Variants in UIMC1 observed in about 807,000 individuals in gnomAD.
The protein encoded by UIMC1 is BRCA1-A complex subunit RAP80.
UIMC1 carries 42 observed loss-of-function variants against 84.9 expected under a neutral mutation model. The observed-to-expected ratio is 0.49, with a 90% CI of 0.39 to 0.64. The LOEUF (loss-of-function observed/expected upper bound fraction) is 0.64, where lower values mean the gene tolerates loss of function less well. Ranked by LOEUF, UIMC1 falls within the 30% of genes least tolerant of loss-of-function variation. UIMC1 has a pLI of 0.00. For synonymous variants in UIMC1, 281 were observed against 293.0 expected (o/e 0.96, Z 0.42); for missense variants, 825 against 847.6 (o/e 0.97, Z 0.33).
At chr5:176,952,499 G>C (rs922364041) in intron 8 of UIMC1, among the ~76,000 whole-genome samples, 2 of 152,118 alleles carry the variant, frequency 1.3e-5, no homozygotes, top group Admixed American at 6.6e-5. Context: ...TTCTAAGTAA[G>C]GTTTTATTGG....
intron 4 of UIMC1, 140 bp downstream of exon 4, chr5:176,970,602 T>C (rs764276575): frequency 2.2e-6 from 3 of 1,378,902 alleles, no homozygotes; most frequent in South Asian, 2.3e-5. Flanking sequence ...ACACAGACTT[T>C]AAAAAATTAC....
chr5:176,949,002 T>A (rs9791006), intron 9 of UIMC1, among the ~76,000 whole-genome samples: 1,705 of 152,050 alleles, frequency 0.011, 55 homozygotes, highest in East Asian at 0.096. Flanking sequence ...AACTTTTTTT[T>A]AAAATATTTT....
At chr5:176,966,308 C>G (rs1394748357) in intron 6 of UIMC1, among the ~76,000 whole-genome samples, 2 of 152,160 alleles carry the variant, frequency 1.3e-5, no homozygotes, top group Non-Finnish European at 2.9e-5. Flanking sequence ...AATTGTTATT[C>G]CCACTGTATA....
At chr5:176,910,530 G>C (rs1759994253) in intron 11 of UIMC1, among the ~76,000 whole-genome samples, 1 of 152,128 alleles carries the variant, frequency 6.6e-6, no homozygotes, top group Non-Finnish European at 1.5e-5. Flanking sequence ...TTGTGATTCT[G>C]ACCCCTTCCT....
At chr5:176,999,902 T>C (rs1473240571) in intron 1 of UIMC1, among the ~76,000 whole-genome samples, 1 of 152,200 alleles carries the variant, frequency 6.6e-6, no homozygotes, top group Non-Finnish European at 1.5e-5. Context: ...TTTCCTTTCT[T>C]TTGGATACAT....
intron 10 of UIMC1, 95 bp downstream of exon 10, chr5:176,943,240 A>G (rs1290851314): frequency 1.4e-6 from 2 of 1,423,410 alleles, no homozygotes; most frequent in East Asian, 2.4e-5. Context: ...TTAACTTTGA[A>G]GAACAGCTAT....
chr5:176,936,614 T>C (rs1292537156), intron 10 of UIMC1, among the ~76,000 whole-genome samples: 1 of 152,218 alleles, frequency 6.6e-6, no homozygotes, highest in Non-Finnish European at 1.5e-5. Flanking sequence ...TCCTCCCCGT[T>C]ACCTCTCTGG....
At position 176,975,490 on chromosome 5, in the gene UIMC1, A is replaced by C; in HGVS notation, c.148-10T>G. On this transcript the variant is annotated splice_polypyrimidine_tract_variant and intron_variant, in intron 2 of 14. Coordinates refer to ENST00000511320, the MANE Select transcript of UIMC1 (RefSeq NM_001199298.2). ...TTTCCTCCTTTGGTTCCTGTTGCAA[A>C]ACAAGAAATATCATCAGTGTGGCTG... The C allele has an allele frequency of 6.2e-7, 1 of 1,613,890 alleles. No homozygotes were observed. Among genetic ancestry groups the C allele is most frequent in the Non-Finnish European group, 8.5e-7 (1 of 1,179,882 alleles).
chr5:177,021,640 C>A (rs1775829512), intron 1 of UIMC1, among the ~76,000 whole-genome samples: 1 of 150,144 alleles, frequency 6.7e-6, no homozygotes, highest in South Asian at 2.1e-4. Context: ...CCTTGTTGGT[C>A]GAAGTAAGGA....
chr5:176,910,241 A>T (rs1270454298), intron 11 of UIMC1, among the ~76,000 whole-genome samples: 1 of 152,258 alleles, frequency 6.6e-6, no homozygotes, highest in African/African-American at 2.4e-5. Context: ...ATTAGGGAAG[A>T]CAGCCCTGAA....
rs1561701468 is a variant in UIMC1 at position 176,907,167 on chromosome 5, T to C, written c.1859A>G (p.His620Arg). 6.2e-7 allele frequency: 1 copy of C among 1,613,664 alleles called. No homozygotes were observed. The highest frequency in any genetic ancestry group is 8.5e-7 in the Non-Finnish European group (1 of 1,179,786). Reference sequence around the variant, plus strand: ...GAAACTAAGGAGTCGGCCTTCACTGTGGCCTTTTTCCTGTAACAGAGAAAA... The same window carrying C: ...GAAACTAAGGAGTCGGCCTTCACTGCGGCCTTTTTCCTGTAACAGAGAAAA... ...QRLKNPKEKG[H>R]SEGRLLSFLE... The change falls in exon 13 of 15, where the codon CAC (histidine) becomes CGC (arginine). Residue 620 changes from histidine (H) to arginine (R), a missense_variant. Transcript: ENST00000511320.
At chr5:176,924,453 G>A (rs915364206) in intron 10 of UIMC1, among the ~76,000 whole-genome samples, 4 of 151,822 alleles carry the variant, frequency 2.6e-5, no homozygotes, top group Admixed American at 6.6e-5. Context: ...CTGGCATAAA[G>A]ACAAACAGAT....
At chr5:176,969,468 A>G (rs1236010665) in intron 5 of UIMC1, 133 bp downstream of exon 5, 2 of 1,275,786 alleles carry the variant, frequency 1.6e-6, no homozygotes. Flanking sequence ...TATGATCTCA[A>G]CTACTTCCTG....
rs778874183 is a variant in UIMC1 at position 176,911,399 on chromosome 5, TA to T, written c.1598-11del. 1.9e-6 allele frequency: 3 copies of T among 1,546,164 alleles called. No individual in the cohort carries two copies. Among genetic ancestry groups the T allele is most frequent in the Non-Finnish European group, 1.7e-6 (2 of 1,143,740 alleles). On this transcript the variant is annotated splice_polypyrimidine_tract_variant and intron_variant, in intron 10 of 14. Coordinates refer to ENST00000511320, the MANE Select transcript of UIMC1 (RefSeq NM_001199298.2). Reference sequence around the variant, plus strand: ...TGTCTCCGAGTCAATACTTTTAATATAAAAAATATATATATATACACATAGT... The same window carrying T: ...TGTCTCCGAGTCAATACTTTTAATATAAAAATATATATATATACACATAGT...
At chr5:176,907,317 A>G in intron 12 of UIMC1, 140 bp from the exon 13 acceptor site, 1 of 759,434 alleles carries the variant, frequency 1.3e-6, no homozygotes, top group Non-Finnish European at 2.1e-6. Context: ...GCTTTCTAAT[A>G]AACGAGGGTT....
intron 1 of UIMC1, among the ~76,000 whole-genome samples, chr5:176,990,239 A>G (rs1015621863): frequency 6.6e-6 from 1 of 151,868 alleles, no homozygotes; most frequent in Non-Finnish European, 1.5e-5. Flanking sequence ...ATGAAGACAC[A>G]GCACTCATGA....
intron 1 of UIMC1, among the ~76,000 whole-genome samples, chr5:177,012,692 A>G (rs761211658): frequency 7.3e-5 from 11 of 151,508 alleles, no homozygotes; most frequent in Non-Finnish European, 1.5e-4. Flanking sequence ...GACCCTGTCT[A>G]AAAAAAAGAA....
chr5:176,915,870 C>T (rs1760921717), intron 10 of UIMC1, among the ~76,000 whole-genome samples: 1 of 148,562 alleles, frequency 6.7e-6, no homozygotes, highest in African/African-American at 2.5e-5. Flanking sequence ...ATATGTTCTT[C>T]TACAAGAGCA....
At chr5:177,008,520 T>C (rs976013445), upstream of UIMC1, among the ~76,000 whole-genome samples, 3 of 152,178 alleles carry the variant, frequency 2.0e-5, no homozygotes, top group African/African-American at 4.8e-5. Context: ...TGAATTGAAT[T>C]GAGGAGTGGG....
Sources: gnomAD v4.1 joint callset for allele counts (sites outside exome capture counted in the v4.1 genomes callset) on GRCh38, gnomAD v4.1.1 for gene constraint, MANE v1.5 for transcripts, NCBI Gene and HGNC (gene_info 2026-07-23, HGNC 2026-07-21) for gene names.